Variants in PKN2 observed in about 807,000 individuals in gnomAD.
PKN2 encodes serine/threonine-protein kinase N2.
In PKN2, 38 loss-of-function variants were observed where a neutral mutation model predicts 119.1. The observed-to-expected ratio is 0.32, with a 90% CI of 0.25 to 0.42. The LOEUF (loss-of-function observed/expected upper bound fraction) is 0.42, where lower values mean the gene tolerates loss of function less well. Among genes scored for constraint, PKN2 ranks in the 10% least tolerant of loss-of-function variants. The probability of loss-of-function intolerance (pLI) is 1.00; values close to 1 mark genes in which losing one functional copy is unlikely to be tolerated. For missense variants in PKN2, 850 were observed against 1,165.1 expected, an observed-to-expected ratio of 0.73 and a Z score of 3.94; for synonymous variants, 390 against 384.9, an observed-to-expected ratio of 1.01 and a Z score of -0.15.
intron 3 of PKN2, among the ~76,000 whole-genome samples, chr1:88,765,093 CT>C (rs113747860): frequency 0.11 from 16,926 of 151,796 alleles, 1,958 homozygotes; most frequent in African/African-American, 0.3. Flanking sequence ...TGCCTGGCTA[CT>C]TTTTTTGTAT....
At chr1:88,801,483 A>G (rs1039454603) in intron 8 of PKN2, among the ~76,000 whole-genome samples, 4 of 152,244 alleles carry the variant, frequency 2.6e-5, no homozygotes, top group African/African-American at 9.6e-5. Context: ...TTTTTCAGAT[A>G]CCATGTGACT....
intron 1 of PKN2, among the ~76,000 whole-genome samples, chr1:88,715,876 T>C (rs1328342695): frequency 6.6e-6 from 1 of 152,212 alleles, no homozygotes; most frequent in African/African-American, 2.4e-5. Flanking sequence ...GTTCTTTTAA[T>C]TGTGATGTTA....
rs77814165 is a variant in PKN2 at position 88,693,470 on chromosome 1, G to A, written c.48+8842G>A. Among the ~76,000 whole-genome samples, 947 of 152,240 alleles carry A rather than the reference G, an allele frequency of 6.2e-3. 12 individuals are homozygous for A. In the South Asian group the frequency reaches 0.068, roughly 11 times the overall value. ...CACTTAATGTCATTGACGGGTTCTT[G>A]GAAACTGACTTTAAGCAAAATAACT... On this transcript the variant is annotated intron_variant, in intron 1 of 21. Transcript: ENST00000370521.
chr1:88,718,750 CA>C (rs1316559810), intron 1 of PKN2, among the ~76,000 whole-genome samples: 1 of 152,142 alleles, frequency 6.6e-6, no homozygotes, highest in African/African-American at 2.4e-5. Flanking sequence ...CAGCCTTTCA[CA>C]ATTACTTCCC....
chr1:88,696,153 C>G (rs929026290), intron 1 of PKN2, among the ~76,000 whole-genome samples: 2 of 152,188 alleles, frequency 1.3e-5, no homozygotes, highest in African/African-American at 4.8e-5. Flanking sequence ...TGTTTGGTAA[C>G]TCCTTTTCTA....
intron 2 of PKN2, among the ~76,000 whole-genome samples, chr1:88,752,340 C>G (rs2100765924): frequency 6.6e-6 from 1 of 152,058 alleles, no homozygotes; most frequent in African/African-American, 2.4e-5. Flanking sequence ...GTTGATACCC[C>G]TTGCATTTAG....
At chr1:88,762,250 A>T (rs1287116275) in intron 3 of PKN2, among the ~76,000 whole-genome samples, 1 of 152,254 alleles carries the variant, frequency 6.6e-6, no homozygotes, top group Non-Finnish European at 1.5e-5. Flanking sequence ...ACAACCACAG[A>T]TCCAAAGTGA....
intron 19 of PKN2, chr1:88,829,434 T>A (rs1405121075): frequency 4.6e-6 from 1 of 219,566 alleles, no homozygotes; most frequent in Admixed American, 5.6e-5. Context: ...AATATAATTT[T>A]AAAAAAATGA....
At chr1:88,826,200 C>T (rs748868499) in intron 18 of PKN2, among the ~76,000 whole-genome samples, 14 of 152,126 alleles carry the variant, frequency 9.2e-5, no homozygotes, top group Non-Finnish European at 1.8e-4. Flanking sequence ...TTTTATGTTC[C>T]CGCTACTTGA....
chr1:88,776,039 C>T (rs1239531324), intron 6 of PKN2, among the ~76,000 whole-genome samples: 60 of 148,596 alleles, frequency 4.0e-4, no homozygotes, highest in African/African-American at 1.1e-3. Flanking sequence ...ACCTGGGAGG[C>T]GGAGCTGGCA....
chr1:88,717,475 T>C (rs571711208), intron 1 of PKN2, among the ~76,000 whole-genome samples: 15 of 152,288 alleles, frequency 9.8e-5, no homozygotes, highest in African/African-American at 2.6e-4. Context: ...CTCATATTTC[T>C]TGGAGGCTTT....
chr1:88,791,951 A>G (rs2100843424), intron 8 of PKN2, among the ~76,000 whole-genome samples: 1 of 152,298 alleles, frequency 6.6e-6, no homozygotes, highest in South Asian at 2.1e-4. Context: ...GCAGAACAAG[A>G]GTAGGAATAC....
intron 8 of PKN2, among the ~76,000 whole-genome samples, chr1:88,790,354 C>A (rs529098464): frequency 6.6e-6 from 1 of 152,268 alleles, no homozygotes; most frequent in East Asian, 1.9e-4. Flanking sequence ...ATTCTACTAT[C>A]ATACTTGGAG....
intron 8 of PKN2, among the ~76,000 whole-genome samples, chr1:88,792,674 G>A (rs917124925): frequency 6.6e-6 from 1 of 152,302 alleles, no homozygotes; most frequent in East Asian, 1.9e-4. Flanking sequence ...TGTGCCTGCC[G>A]TCTTAGCTGC....
At chr1:88,802,715 A>C (rs1671370589) in intron 8 of PKN2, among the ~76,000 whole-genome samples, 1 of 152,238 alleles carries the variant, frequency 6.6e-6, no homozygotes, top group African/African-American at 2.4e-5. Flanking sequence ...TGGCTGGAAT[A>C]AATAGCAAAT....
chr1:88,732,341 CTTAAT>C (rs1248160434), intron 1 of PKN2, among the ~76,000 whole-genome samples: 1 of 152,148 alleles, frequency 6.6e-6, no homozygotes, highest in African/African-American at 2.4e-5. Context: ...GGAAATCCCT[CTTAAT>C]TTATCTTTCC....
intron 18 of PKN2, 68 bp downstream of exon 18, chr1:88,824,454 C>T: frequency 1.1e-6 from 1 of 901,328 alleles, no homozygotes. Flanking sequence ...CAGTAGTTTT[C>T]AAGTTTGTCT....
At chr1:88,691,027 C>T (rs1666312378) in intron 1 of PKN2, among the ~76,000 whole-genome samples, 1 of 151,974 alleles carries the variant, frequency 6.6e-6, no homozygotes, top group Admixed American at 6.6e-5. Flanking sequence ...GAAGACATAC[C>T]ACACAATACA....
At chr1:88,825,659 C>A (rs1375685756) in intron 18 of PKN2, among the ~76,000 whole-genome samples, 2 of 152,144 alleles carry the variant, frequency 1.3e-5, no homozygotes, top group African/African-American at 2.4e-5. Context: ...CTTGTTTTGA[C>A]AAGACAGGTA....
Sources: allele counts gnomAD v4.1 joint callset (sites outside exome capture counted in the v4.1 genomes callset), GRCh38; gene constraint gnomAD v4.1.1; transcripts MANE v1.5; gene names NCBI Gene and HGNC (gene_info 2026-07-23, HGNC 2026-07-21).